The following PKN3 variants were observed in gnomAD, a reference collection of about 807,000 sequenced individuals.
PKN3 encodes protein kinase N3.
Under a neutral mutation model 113.1 loss-of-function variants are expected in PKN3, and 91 were observed. The ratio of observed to expected loss-of-function variants is 0.80; its 90% CI spans 0.68 to 0.96. The LOEUF is 0.96. PKN3 is among the 40% of genes least tolerant of loss of function. The pLI, the probability that PKN3 is intolerant of heterozygous loss-of-function variation, is 0.00. For synonymous variants in PKN3, 467 were observed against 499.0 expected, an observed-to-expected ratio of 0.94 and a Z score of 0.85; for missense variants, 1,052 against 1,202.2, an observed-to-expected ratio of 0.88 and a Z score of 1.85.
chr9:128,703,616 A>AG, intron 1 of PKN3: 2 of 984,984 alleles, frequency 2.0e-6, no homozygotes, highest in Non-Finnish European at 2.4e-6. Flanking sequence ...AGTGGTTGGG[A>AG]GGGGGGCATT....
intron 6 of PKN3, among the ~76,000 whole-genome samples, chr9:128,707,970 G>T (rs1048743460): frequency 6.6e-6 from 1 of 150,622 alleles, no homozygotes; most frequent in East Asian, 2.0e-4. Flanking sequence ...TGCTCAGGAA[G>T]CTGAGGCAGA....
In PKN3 at chr9:128,715,682, A is replaced by C. The variant is rs958920000; in HGVS notation, c.1808+222A>C. 6.6e-6 allele frequency among the ~76,000 whole-genome samples: 1 copy of C among 152,172 alleles called. No individual in the cohort carries two copies. The highest frequency in any genetic ancestry group is 1.5e-5 in the Non-Finnish European group (1 of 68,034). ...AAAATGGGGGCATTGGTGGCTGTGC[A>C]CGTTCAGAGCTCCTTGTGAGCCCCT... is the stretch of plus-strand genomic sequence containing the variant. On this transcript the variant is annotated intron_variant, in intron 15 of 21. Coordinates refer to ENST00000291906, the MANE Select transcript of PKN3 (RefSeq NM_013355.5). This position sits in a 1 kb window ranked among gnomAD's most constrained non-coding sequence, Gnocchi z 4.1.
Position 128,706,896 on chromosome 9 carries a change from G to T in PKN3, c.524G>T (p.Gly175Val). ...CTGAGAGCCGCCGTCCTTCCCACAG[G>T]GCCTGAGCTGCTGGCGGAGGAGCTA... ...SLEASGSPEPGPELLAEELQH... is the reference protein window; with the variant it reads ...SLEASGSPEPVPELLAEELQH... Residue 175 changes from glycine to valine, a missense_variant and splice_region_variant, in exon 5 of 22, where the codon GGG becomes GTG. Coordinates refer to ENST00000291906, the MANE Select transcript of PKN3 (RefSeq NM_013355.5). The T allele has an allele frequency of 6.2e-7, 1 of 1,614,112 alleles. No homozygotes were observed. The highest frequency in any genetic ancestry group is 8.5e-7 in the Non-Finnish European group (1 of 1,180,020).
Position 128,715,466 on chromosome 9 carries a change from T to G in PKN3, c.1808+6T>G. 1 of 1,611,378 alleles carries G rather than the reference T, an allele frequency of 6.2e-7. No homozygotes were observed. Among genetic ancestry groups the G allele is most frequent in the South Asian group, 1.1e-5 (1 of 91,018 alleles). The stretch of plus-strand genomic sequence containing the variant: ...AGCCGGGACGAGATAGAGAGGTGTG[T>G]GGGGGTGCCGCAGGGCACCCAGGAT... On this transcript the variant is annotated splice_donor_region_variant and intron_variant, in intron 15 of 21. Transcript: ENST00000291906. The surrounding 1 kb of genome is among the most constrained non-coding windows in gnomAD (Gnocchi z 4.1).
intron 18 of PKN3, 51 bp from the exon 19 acceptor site, chr9:128,719,635 A>G: frequency 1.3e-6 from 2 of 1,510,244 alleles, no homozygotes; most frequent in Non-Finnish European, 1.8e-6. Context: ...TATTGAAGTT[A>G]TTGTGAATAG....
chr9:128,706,700 T>C lies in PKN3; in HGVS notation c.412-13T>C. On this transcript the variant is annotated splice_polypyrimidine_tract_variant and intron_variant, in intron 3 of 21. Transcript: ENST00000291906. ...CAGGCCTGGTCTGATGGGCCTGTGC[T>C]ATGGCTCCATAGGAGAGGAAGCTCC... 1 of 1,536,148 alleles carries C rather than the reference T, an allele frequency of 6.5e-7. No individual in the cohort carries two copies. Among genetic ancestry groups the C allele is most frequent in the Non-Finnish European group, 8.8e-7 (1 of 1,138,264 alleles).
chr9:128,717,133 T>TTTTTTTTTTTTTTTTTTTTTTTC (rs1862367149), intron 16 of PKN3, among the ~76,000 whole-genome samples: 1 of 104,198 alleles, frequency 9.6e-6, no homozygotes, highest in Non-Finnish European at 2.0e-5. Flanking sequence ...TTTTTTTTTT[T>TTTTTTTTTTTTTTTTTTTTTTTC]TTTTTTTTTT....
chr9:128,711,518 T>A (rs1290729212), intron 6 of PKN3, among the ~76,000 whole-genome samples: 1 of 149,618 alleles, frequency 6.7e-6, no homozygotes, highest in Non-Finnish European at 1.5e-5. Context: ...CACCATGGTC[T>A]TGATCTCCTG....
rs768629700 is a variant in PKN3, at chr9:128,705,504, G to T, written c.226G>T (p.Ala76Ser). 1.2e-5 allele frequency: 18 copies of T among 1,558,808 alleles called. No individual in the cohort carries two copies. The highest frequency in any genetic ancestry group is 3.5e-5 in the South Asian group (3 of 84,838). The change falls in exon 2 of 22, where the codon GCC (alanine) becomes TCC (serine). Residue 76 changes from alanine to serine, a missense_variant. By Grantham distance (99) the Ala-to-Ser change is moderately conservative (BLOSUM62 1). Coordinates refer to ENST00000291906, the MANE Select transcript of PKN3 (RefSeq NM_013355.5). ...QLHGELRELH[A>S]RILLPGPGPG... ...GCATGGCGAGCTGCGGGAGCTGCAC[G>T]CCCGAATCCTGCTGCCCGGCCCTGG...
Position 128,707,257 on chromosome 9 carries a change from G to A in PKN3, c.687G>A (p.Leu229=). Residue 229 remains leucine (L), a synonymous_variant, in exon 6 of 22, where the codon CTG becomes CTA. Coordinates refer to ENST00000291906, the MANE Select transcript of PKN3 (RefSeq NM_013355.5). ...AGCTACAGGAGTCCTCTCAGAAACT[G>A]GACCTCCTGCGCCTGGCCTTGGAGC... The part of the protein sequence containing the change: ...QAQLQESSQK[L]DLLRLALEQL... 6.2e-7 allele frequency: 1 copy of A among 1,611,778 alleles called. No individual in the cohort carries two copies. The highest frequency in any genetic ancestry group is 8.5e-7 in the Non-Finnish European group (1 of 1,178,396).
intron 6 of PKN3, chr9:128,709,767 T>A (rs918567015): frequency 7.6e-5 from 11 of 143,830 alleles, no homozygotes; most frequent in East Asian, 2.1e-4. Context: ...AAAAAAAAAA[T>A]TTGCAAAAAT....
rs774536921 is a variant in PKN3 at position 128,720,401 on chromosome 9, A to C, written c.2465A>C (p.Asn822Thr). 1.2e-6 allele frequency: 2 copies of C among 1,612,896 alleles called. No homozygotes were observed. Among genetic ancestry groups the C allele is most frequent in the African/African-American group, 2.7e-5 (2 of 74,872 alleles). ...IKVQPFFRTTNWQALLARTIQ... is the reference protein window; with the variant it reads ...IKVQPFFRTTTWQALLARTIQ... Reference sequence around the variant, plus strand: ...CCTCTCCTTTGCCCTCAGACCACCAACTGGCAAGCCCTGCTCGCCCGCACC... The same window carrying C: ...CCTCTCCTTTGCCCTCAGACCACCACCTGGCAAGCCCTGCTCGCCCGCACC... Residue 822 changes from asparagine to threonine, a missense_variant, in exon 22 of 22, where the codon AAC (asparagine) becomes ACC (threonine). Coordinates refer to ENST00000291906, the MANE Select transcript of PKN3 (RefSeq NM_013355.5). This position sits in a 1 kb window ranked among gnomAD's most constrained non-coding sequence, Gnocchi z 5.5.
At chr9:128,704,916 C>CAA (rs560127150) in intron 1 of PKN3, among the ~76,000 whole-genome samples, 3 of 83,800 alleles carry the variant, frequency 3.6e-5, no homozygotes, top group Non-Finnish European at 5.1e-5. Flanking sequence ...AAAACTGTCT[C>CAA]AAAAAAAAAA....
At chr9:128,717,113 G>GTTTTTTTTTTTTTTTTTTTTTTTTT (rs1554781180) in intron 16 of PKN3, among the ~76,000 whole-genome samples, 190 bp downstream of exon 16, 6 of 14,440 alleles carry the variant, frequency 4.2e-4, no homozygotes, top group Admixed American at 9.4e-4. Context: ...TGTGCATTAG[G>GTTTTTTTTTTTTTTTTTTTTTTTTT]TTTCTTTTTT....
chr9:128,706,980 T>C lies in PKN3; in HGVS notation c.608T>C (p.Leu203Pro). Reference protein sequence around the residue: ...VAEGAKNVVKLLSSRRTQDRK... With the variant: ...VAEGAKNVVKPLSSRRTQDRK... ...GAGGGCGCCAAGAACGTGGTGAAAC[T>C]GCTTAGTAGCCGGAGAACACAGGAC... Residue 203 changes from leucine (L) to proline (P), a missense_variant, in exon 5 of 22, where the codon CTG becomes CCG. Physicochemically the swap from Leu to Pro is moderately conservative, Grantham distance 98 (BLOSUM62 -3). This residue lies in a region of PKN3 where 719 missense variants were observed against 759.4 expected (regional missense o/e 0.95). Transcript: ENST00000291906. 6.2e-7 allele frequency: 1 copy of C among 1,614,178 alleles called. No homozygotes were observed. Among genetic ancestry groups the C allele is most frequent in the Non-Finnish European group, 8.5e-7 (1 of 1,180,022 alleles).
chr9:128,717,184 A>G (rs1862370235), intron 16 of PKN3, among the ~76,000 whole-genome samples: 1 of 113,178 alleles, frequency 8.8e-6, no homozygotes, highest in African/African-American at 3.4e-5. Flanking sequence ...GCTGGAGTGC[A>G]ATGGCATGAT....
Position 128,713,296 on chromosome 9 carries a change from T to C in PKN3, c.1001T>C (p.Leu334Pro). Reference sequence around the variant, plus strand: ...CCTGCAGGCGAGGTGCTGGCTGTGCTAAAGGTGGACAACCGTGTTGTGGGG... The same window carrying C: ...CCTGCAGGCGAGGTGCTGGCTGTGCCAAAGGTGGACAACCGTGTTGTGGGG... ...GELASEVLAVLKVDNRVVGQT... is the reference protein window; with the variant it reads ...GELASEVLAVPKVDNRVVGQT... The change falls in exon 8 of 22, where the codon CTA becomes CCA. Residue 334 changes from leucine (L) to proline (P), a missense_variant. Physicochemically the swap from Leu to Pro is moderately conservative, Grantham distance 98. Coordinates refer to ENST00000291906, the MANE Select transcript of PKN3 (RefSeq NM_013355.5). 1 of 1,614,062 alleles carries C rather than the reference T, an allele frequency of 6.2e-7. No individual in the cohort carries two copies. Among genetic ancestry groups the C allele is most frequent in the South Asian group, 1.1e-5 (1 of 91,052 alleles).
Position 128,703,927 on chromosome 9 carries a change from C to A in PKN3, c.24+988C>A, listed in dbSNP as rs985210655. On this transcript the variant is annotated intron_variant, in intron 1 of 21. Transcript: ENST00000291906. ...GTGACTCAGGACCCCGGTGGCCGGGCCCCCAGCTCCATGGGACCTTTGTTT... is the reference window on the plus strand; with the variant it reads ...GTGACTCAGGACCCCGGTGGCCGGGACCCCAGCTCCATGGGACCTTTGTTT... 4.2e-5 allele frequency: 41 copies of A among 985,384 alleles called. No homozygotes were observed. In the African/African-American group the frequency reaches 7.1e-4, roughly 17 times the overall value. 61.0% of individuals were successfully genotyped at this position (985,384 alleles called of 1,614,324 possible). A position where few individuals can be genotyped will look rare whatever the true frequency, so the allele number is the denominator to read the frequency against.
At position 128,720,465 on chromosome 9, in the gene PKN3, G is replaced by T. The variant is rs141598296; in HGVS notation, c.2529G>T (p.Ala843=). ...TCGTGCCTACCCTGTGTGGCCCTGC[G>T]GACCTGCGCTACTTTGAGGGCGAGT... ...PPFVPTLCGP[A]DLRYFEGEFT... The change falls in exon 22 of 22, where the codon GCG becomes GCT. Residue 843 remains alanine (A), a synonymous_variant. Coordinates refer to ENST00000291906, the MANE Select transcript of PKN3 (RefSeq NM_013355.5). The surrounding 1 kb of genome is among the most constrained non-coding windows in gnomAD (Gnocchi z 5.5). 1 of 1,613,110 alleles carries T rather than the reference G, an allele frequency of 6.2e-7. No homozygotes were observed. The highest frequency in any genetic ancestry group is 8.5e-7 in the Non-Finnish European group (1 of 1,179,988).
Sources: allele counts gnomAD v4.1 joint callset (sites outside exome capture counted in the v4.1 genomes callset), GRCh38; gene constraint gnomAD v4.1.1; regional missense constraint gnomAD v4.1.1; non-coding constraint Gnocchi (gnomAD v3.1); transcripts MANE v1.5; gene names NCBI Gene and HGNC (gene_info 2026-07-23, HGNC 2026-07-21).